ZNF385D: variants seen among roughly 807,000 people sequenced by gnomAD.
ZNF385D encodes zinc finger protein 385D.
A neutral mutation model predicts 35.8 loss-of-function variants in ZNF385D; 15 were observed. The observed-to-expected ratio is 0.42, with a 90% CI of 0.28 to 0.64. The LOEUF is 0.64. Among genes scored for constraint, ZNF385D ranks in the 30% least tolerant of loss-of-function variants. The pLI is 0.23. For synonymous variants in ZNF385D, 212 were observed against 186.8 expected (o/e 1.13, Z -1.10); for missense variants, 474 against 494.6 (o/e 0.96, Z 0.39).
chr3:21,651,405 A>C (rs1329129135), intron 2 of ZNF385D, among the ~76,000 whole-genome samples: 4 of 152,136 alleles, frequency 2.6e-5, no homozygotes, highest in African/African-American at 9.7e-5. Context: ...CATTCAGCTA[A>C]AATGGAACAT....
intron 4 of ZNF385D, among the ~76,000 whole-genome samples, chr3:21,441,014 T>C (rs1446652236): frequency 6.6e-6 from 1 of 152,072 alleles, no homozygotes; most frequent in African/African-American, 2.4e-5. Context: ...TACATCAACA[T>C]TTATTAAGGA....
At chr3:21,926,773 T>C (rs941706388) in intron 3 of ZNF385D, among the ~76,000 whole-genome samples, 1 of 152,098 alleles carries the variant, frequency 6.6e-6, no homozygotes, top group Non-Finnish European at 1.5e-5. Flanking sequence ...CCAAAAGCAA[T>C]GGCAACAAAA....
chr3:21,650,851 C>A (rs911977025), intron 2 of ZNF385D, among the ~76,000 whole-genome samples: 5 of 152,106 alleles, frequency 3.3e-5, no homozygotes, highest in Admixed American at 1.3e-4. Context: ...AACACCTAAA[C>A]TGAGAGTTAA....
At chr3:22,078,816 A>T (rs905317457) in intron 3 of ZNF385D, among the ~76,000 whole-genome samples, 2 of 152,086 alleles carry the variant, frequency 1.3e-5, no homozygotes, top group African/African-American at 4.8e-5. Context: ...TCAAAATAAT[A>T]TGGATATATA....
At chr3:21,787,125 G>A (rs543506659) in intron 3 of ZNF385D, among the ~76,000 whole-genome samples, 1 of 152,086 alleles carries the variant, frequency 6.6e-6, no homozygotes, top group African/African-American at 2.4e-5. Flanking sequence ...GAGAATGGAG[G>A]AAAAAACACC....
chr3:22,029,902 G>A (rs1425038173), intron 3 of ZNF385D, among the ~76,000 whole-genome samples: 2 of 151,970 alleles, frequency 1.3e-5, no homozygotes, highest in East Asian at 3.9e-4. Flanking sequence ...AACTTGATTG[G>A]ATTGAACGAT....
intron 3 of ZNF385D, among the ~76,000 whole-genome samples, chr3:21,838,391 T>A (rs1695457044): frequency 6.6e-6 from 1 of 152,122 alleles, no homozygotes; most frequent in South Asian, 2.1e-4. Flanking sequence ...AGAATCTTGT[T>A]TGTGAACAGC....
intron 3 of ZNF385D, among the ~76,000 whole-genome samples, chr3:21,862,348 C>A (rs1697101773): frequency 6.7e-6 from 1 of 149,672 alleles, no homozygotes; most frequent in Admixed American, 6.7e-5. Context: ...AGTATAACAC[C>A]TTTGAAACTG....
chr3:22,083,484 T>C (rs1036885166), intron 3 of ZNF385D, among the ~76,000 whole-genome samples: 14 of 152,054 alleles, frequency 9.2e-5, no homozygotes, highest in South Asian at 2.1e-4. Context: ...AGGGTATCAG[T>C]GATGGAAGAT....
chr3:21,613,560 C>T (rs938660498), intron 2 of ZNF385D, among the ~76,000 whole-genome samples: 3 of 152,178 alleles, frequency 2.0e-5, no homozygotes, highest in Non-Finnish European at 4.4e-5. Flanking sequence ...AAGGACCCAA[C>T]ATCACGTGAC....
At chr3:21,886,952 C>G (rs955296522) in intron 3 of ZNF385D, among the ~76,000 whole-genome samples, 64 of 152,104 alleles carry the variant, frequency 4.2e-4, no homozygotes, top group African/African-American at 1.5e-3. Context: ...GTCTGCCACT[C>G]CATTCAACGC....
rs1322541198 is a variant in ZNF385D at position 21,419,083 on chromosome 3, TG to T, written c.*2130del. On this transcript the variant is annotated 3_prime_UTR_variant, in exon 8 of 8. Coordinates refer to ENST00000281523, the MANE Select transcript of ZNF385D (RefSeq NM_024697.3). ...ATCAATATATTTAACCAGAGAAGCATGGTTTGAAATTCTTTCTACCAGAATA... is the reference window on the plus strand; with the variant it reads ...ATCAATATATTTAACCAGAGAAGCATGTTTGAAATTCTTTCTACCAGAATA... 2.0e-5 allele frequency: 3 copies of T among 152,606 alleles called. No individual in the cohort carries two copies. Among genetic ancestry groups the T allele is most frequent in the Non-Finnish European group, 2.9e-5 (2 of 68,146 alleles). The allele number at this position is 152,606 out of a possible 1,614,324, so 9.5% of individuals were successfully genotyped here.
At position 21,806,266 on chromosome 3, in the gene ZNF385D, A is replaced by G. The variant is rs74583930; in HGVS notation, c.326-141238T>C. Among the ~76,000 whole-genome samples, 768 of 137,472 alleles carry G rather than the reference A, an allele frequency of 5.6e-3. 6 individuals are homozygous for G. The highest frequency in any genetic ancestry group is 0.019 in the African/African-American group (689 of 36,548). 90.2% of individuals were successfully genotyped at this position (137,472 alleles called of 152,430 possible). On this transcript the variant is annotated intron_variant, in intron 3 of 5. Coordinates refer to the ZNF385D transcript ENST00000494108. ...TTATACCAATCTAAACTCTTTTTGT[A>G]TTTGGTACCTGAAAAAAGAATGAAT...
intron 7 of ZNF385D, among the ~76,000 whole-genome samples, chr3:21,423,300 A>C (rs576862129): frequency 6.1e-4 from 93 of 152,368 alleles, no homozygotes; most frequent in African/African-American, 2.1e-3. Context: ...AATAGTAATA[A>C]GATCTATTTT....
intron 2 of ZNF385D, among the ~76,000 whole-genome samples, chr3:22,224,319 C>T (rs1287960896): frequency 6.6e-6 from 1 of 152,184 alleles, no homozygotes; most frequent in Non-Finnish European, 1.5e-5. Flanking sequence ...CAACATGCTA[C>T]TTACCAGCTT....
chr3:22,238,076 C>G (rs557736183), intron 2 of ZNF385D, among the ~76,000 whole-genome samples: 1 of 150,914 alleles, frequency 6.6e-6, no homozygotes, highest in Non-Finnish European at 1.5e-5. Context: ...TCTCTGTTGT[C>G]TTTGTAGTCT....
At chr3:21,825,420 T>C (rs990693622) in intron 3 of ZNF385D, among the ~76,000 whole-genome samples, 2 of 152,222 alleles carry the variant, frequency 1.3e-5, no homozygotes, top group African/African-American at 4.8e-5. Flanking sequence ...AAATTGCTTT[T>C]AGCTTCAAAA....
chr3:22,118,152 C>A (rs1702903225), intron 3 of ZNF385D, among the ~76,000 whole-genome samples: 1 of 152,042 alleles, frequency 6.6e-6, no homozygotes, highest in Non-Finnish European at 1.5e-5. Flanking sequence ...ATGAAGCGTA[C>A]TTTACTTATA....
chr3:21,859,066 C>T (rs1696893273), intron 3 of ZNF385D, among the ~76,000 whole-genome samples: 1 of 152,032 alleles, frequency 6.6e-6, no homozygotes, highest in Admixed American at 6.6e-5. Context: ...AAAGGTAAAA[C>T]TCAGCTTTCA....
Sources: gnomAD v4.1 joint callset for allele counts (sites outside exome capture counted in the v4.1 genomes callset) on GRCh38, gnomAD v4.1.1 for gene constraint, MANE v1.5 for transcripts, NCBI Gene and HGNC (gene_info 2026-07-23, HGNC 2026-07-21) for gene names.